The following PCDHA5 variants were observed in gnomAD, a reference collection of about 807,000 sequenced individuals.
PCDHA5 encodes the protein protocadherin alpha-5.
PCDHA5 carries 43 observed loss-of-function variants against 61.6 expected under a neutral mutation model. The observed-to-expected ratio is 0.70, with a 90% CI of 0.55 to 0.90. PCDHA5 has a LOEUF of 0.90. Ranked by LOEUF, PCDHA5 falls within the 40% of genes least tolerant of loss-of-function variation. The pLI, the probability that PCDHA5 is intolerant of heterozygous loss-of-function variation, is 0.00. For synonymous variants in PCDHA5, 627 were observed against 543.9 expected, an observed-to-expected ratio of 1.15 and a Z score of -2.13; for missense variants, 1,298 against 1,222.7, an observed-to-expected ratio of 1.06 and a Z score of -0.92.
intron 1 of PCDHA5, among the ~76,000 whole-genome samples, chr5:140,903,212 A>G (rs1387552422): frequency 6.6e-6 from 1 of 152,192 alleles, no homozygotes; most frequent in African/African-American, 2.4e-5. Context: ...CACCACATTC[A>G]TGCCAACATC....
Position 140,901,601 on chromosome 5 carries a change from A to T in PCDHA5, c.2353-77348A>T, listed in dbSNP as rs1448240708. Among the ~76,000 whole-genome samples, 3 of 152,078 alleles carry T rather than the reference A, an allele frequency of 2.0e-5. 1 individual carries two copies. The highest frequency in any genetic ancestry group is 1.3e-4 in the Admixed American group (2 of 15,264). On this transcript the variant is annotated intron_variant, in intron 1 of 3. Transcript: ENST00000529859. Reference sequence around the variant, plus strand: ...AGTGCCATGATGTTTTGGTTACTATATCTCTATGGTATAATTTGAAGTCAG... The same window carrying T: ...AGTGCCATGATGTTTTGGTTACTATTTCTCTATGGTATAATTTGAAGTCAG...
At chr5:140,983,992 C>A (rs2097080247) in intron 3 of PCDHA5, among the ~76,000 whole-genome samples, 1 of 152,200 alleles carries the variant, frequency 6.6e-6, no homozygotes, top group Non-Finnish European at 1.5e-5. Flanking sequence ...TGAAGCAATT[C>A]ATTAGAGAGC....
intron 1 of PCDHA5, chr5:140,883,974 G>C: frequency 6.2e-7 from 1 of 1,612,962 alleles, no homozygotes; most frequent in Non-Finnish European, 8.5e-7. Context: ...CTGACGCCCG[G>C]GGCTGGCAGC....
At chr5:140,834,306 T>G in intron 1 of PCDHA5, 1 of 1,335,582 alleles carries the variant, frequency 7.5e-7, no homozygotes, top group Non-Finnish European at 1.0e-6. Context: ...ACATCGAGAT[T>G]GAAATGAAGG....
chr5:140,853,885 T>C (rs1456390498), intron 1 of PCDHA5: 1 of 979,240 alleles, frequency 1.0e-6, no homozygotes, highest in Non-Finnish European at 1.2e-6. Context: ...TTCTGTAATT[T>C]AAAAAGATGT....
At chr5:140,858,321 C>A in intron 1 of PCDHA5, 1 of 1,596,814 alleles carries the variant, frequency 6.3e-7, no homozygotes, top group Non-Finnish European at 8.6e-7. Flanking sequence ...AGGGTGTGTT[C>A]TGGGGAGGGC....
chr5:140,923,489 A>C (rs549066009), intron 1 of PCDHA5, among the ~76,000 whole-genome samples: 2 of 152,182 alleles, frequency 1.3e-5, no homozygotes, highest in Non-Finnish European at 2.9e-5. Flanking sequence ...TCTTCACACC[A>C]CTGCACTCCA....
At chr5:140,895,072 A>G (rs974661383) in intron 1 of PCDHA5, among the ~76,000 whole-genome samples, 1 of 152,090 alleles carries the variant, frequency 6.6e-6, no homozygotes, top group Admixed American at 6.5e-5. Flanking sequence ...CTCAATTCCT[A>G]TCAGTTCCTC....
At chr5:140,925,941 G>A (rs1311329302) in intron 1 of PCDHA5, among the ~76,000 whole-genome samples, 2 of 138,504 alleles carry the variant, frequency 1.4e-5, no homozygotes, top group South Asian at 2.1e-4. Flanking sequence ...GAGCCTCTTG[G>A]AGAAGGAGAA....
At chr5:140,855,950 C>G (rs1468443604) in intron 1 of PCDHA5, 1 of 1,363,922 alleles carries the variant, frequency 7.3e-7, no homozygotes, top group Non-Finnish European at 1.0e-6. Flanking sequence ...TCAGCCATTT[C>G]GATAAAAAAT....
chr5:140,951,546 G>A (rs962043182), intron 1 of PCDHA5, among the ~76,000 whole-genome samples: 9 of 151,942 alleles, frequency 5.9e-5, no homozygotes, highest in Non-Finnish European at 8.8e-5. Context: ...CAAGGGACGG[G>A]GGGAAGTGCT....
At chr5:140,876,062 G>T in intron 1 of PCDHA5, 1 of 1,613,842 alleles carries the variant, frequency 6.2e-7, no homozygotes, top group Non-Finnish European at 8.5e-7. Context: ...TTAGTTCTTC[G>T]GAAGTTATTG....
intron 1 of PCDHA5, among the ~76,000 whole-genome samples, chr5:140,911,247 A>G (rs2075389238): frequency 6.6e-6 from 1 of 152,124 alleles, no homozygotes; most frequent in Non-Finnish European, 1.5e-5. Context: ...AAAAAGTTTC[A>G]TCAGAATTTA....
At chr5:140,967,979 G>C (rs1405177525) in intron 1 of PCDHA5, 3 of 1,614,100 alleles carry the variant, frequency 1.9e-6, no homozygotes, top group Non-Finnish European at 2.5e-6. Flanking sequence ...CCTGGGTCTG[G>C]AGGCCACACT....
Position 140,929,271 on chromosome 5 carries a change from A to G in PCDHA5, c.2353-49678A>G, listed in dbSNP as rs782266407. 9.9e-6 allele frequency: 16 copies of G among 1,610,716 alleles called. No individual in the cohort carries two copies. In the Admixed American group the frequency reaches 2.7e-4, roughly 27 times the overall value. On this transcript the variant is annotated intron_variant, in intron 1 of 3. Transcript: ENST00000529859. ...CTGGGGTAGGACTGAATTTGCCAAT[A>G]TCCTGTATTCAGATTCGGAATAGGA...
At position 140,849,456 on chromosome 5, in the gene PCDHA5, G is replaced by A. The variant is rs148680565; in HGVS notation, c.2352+25329G>A. On this transcript the variant is annotated intron_variant, in intron 1 of 3. Transcript: ENST00000529859. ...AAGTAGAGCACACAAGATCCCAGTC[G>A]AGGCTGTCGATAAAGGCTTCCCACC... The A allele has an allele frequency of 1.5e-5, 24 of 1,587,206 alleles. 3 individuals carry two copies. Among genetic ancestry groups the A allele is most frequent in the Non-Finnish European group, 1.8e-5 (21 of 1,161,294 alleles).
intron 1 of PCDHA5, among the ~76,000 whole-genome samples, chr5:140,975,601 G>A (rs943598203): frequency 1.2e-4 from 19 of 152,192 alleles, no homozygotes; most frequent in African/African-American, 4.6e-4. Flanking sequence ...GCAATTTGTT[G>A]ATGTCTTCCA....
chr5:140,887,654 G>A (rs2061529435), intron 1 of PCDHA5, among the ~76,000 whole-genome samples: 1 of 151,712 alleles, frequency 6.6e-6, no homozygotes, highest in South Asian at 2.1e-4. Context: ...TGATATTCTT[G>A]GATCTGTGGA....
intron 3 of PCDHA5, among the ~76,000 whole-genome samples, chr5:140,994,821 T>C (rs2097651680): frequency 6.6e-6 from 1 of 152,052 alleles, no homozygotes. Flanking sequence ...AAAAACTGAA[T>C]TGTGTAGTCT....
Sources: allele counts gnomAD v4.1 joint callset (sites outside exome capture counted in the v4.1 genomes callset), GRCh38; gene constraint gnomAD v4.1.1; transcripts MANE v1.5; gene names NCBI Gene and HGNC (gene_info 2026-07-23, HGNC 2026-07-21).